TAS2R1: variants seen among roughly 807,000 people sequenced by gnomAD.
TAS2R1 encodes the protein taste receptor type 2 member 1.
For missense variants in TAS2R1, 370 were observed against 353.4 expected (o/e 1.05, Z -0.38); for synonymous variants, 141 against 134.2 (o/e 1.05, Z -0.35).
At chr5:9,747,718 A>C in the TAS2R1 span, among the ~76,000 whole-genome samples, 1 of 152,142 alleles carries the variant, frequency 6.6e-6, no homozygotes, top group East Asian at 1.9e-4. Flanking sequence ...ATAACAGAGC[A>C]CCAGGGGAGA....
At chr5:9,676,145 T>C (rs1021627728) in intron 1 of TAS2R1, among the ~76,000 whole-genome samples, 2 of 152,328 alleles carry the variant, frequency 1.3e-5, no homozygotes, top group Admixed American at 6.5e-5. Flanking sequence ...ATGTGCCATA[T>C]CACATTAATT....
At chr5:9,797,888 A>G in the TAS2R1 span, among the ~76,000 whole-genome samples, 1 of 152,262 alleles carries the variant, frequency 6.6e-6, no homozygotes, top group South Asian at 2.1e-4. Context: ...AGCACCCTAC[A>G]TAAGTCATGT....
At chr5:9,746,483 A>G in the TAS2R1 span, among the ~76,000 whole-genome samples, 1 of 152,204 alleles carries the variant, frequency 6.6e-6, no homozygotes, top group Non-Finnish European at 1.5e-5. Context: ...TTATTGAAGG[A>G]CTATTTATAA....
intron 2 of TAS2R1, chr5:9,642,011 C>T (rs895354542): frequency 2.6e-5 from 4 of 152,192 alleles, no homozygotes; most frequent in Middle Eastern, 3.2e-3. Flanking sequence ...TTGCACTCAT[C>T]TTAATGAGCA....
At chr5:9,761,105 G>A in the TAS2R1 span, 33 of 152,156 alleles carry the variant, frequency 2.2e-4, no homozygotes, top group East Asian at 3.9e-4. Context: ...TAGGATATAA[G>A]GTTAATACAC....
intron 1 of TAS2R1, among the ~76,000 whole-genome samples, chr5:9,675,043 G>A (rs1399708849): frequency 4.6e-4 from 69 of 150,584 alleles, no homozygotes; most frequent in Non-Finnish European, 1.5e-5. Context: ...ATATACATAT[G>A]AACAATTGAA....
chr5:9,822,303 T>C, the TAS2R1 span, among the ~76,000 whole-genome samples: 3 of 151,822 alleles, frequency 2.0e-5, no homozygotes, highest in Admixed American at 2.0e-4. Context: ...TCTCAGAAAA[T>C]TTTGTTCTTT....
At chr5:9,717,152 C>A (rs1734829735), upstream of TAS2R1, among the ~76,000 whole-genome samples, 1 of 152,278 alleles carries the variant, frequency 6.6e-6, no homozygotes, top group South Asian at 2.1e-4. Context: ...ATGAAATAGA[C>A]AATGCAAAAC....
At chr5:9,637,372 T>C (rs1739984687) in intron 2 of TAS2R1, among the ~76,000 whole-genome samples, 1 of 152,200 alleles carries the variant, frequency 6.6e-6, no homozygotes, top group African/African-American at 2.4e-5. Context: ...CTTTCCTTTG[T>C]CTTGACTTTA....
Position 9,699,516 on chromosome 5 carries a change from T to A in TAS2R1, c.-242+12656A>T, listed in dbSNP as rs138602426. 3.4e-3 allele frequency among the ~76,000 whole-genome samples: 516 copies of A among 152,310 alleles called. 1 individual carries two copies. Among genetic ancestry groups the A allele is most frequent in the African/African-American group, 0.012 (488 of 41,560 alleles). ...CAGAGATTCACATCAAAAGCCAAAG[T>A]CAGATTCTGTCACCAAAACTCATGG... On this transcript the variant is annotated intron_variant, in intron 1 of 2. Transcript: ENST00000506620.
Position 9,675,744 on chromosome 5 carries a change from G to C in TAS2R1, c.-241-16163C>G, listed in dbSNP as rs527397816. Among the ~76,000 whole-genome samples, 10 of 151,764 alleles carry C rather than the reference G, an allele frequency of 6.6e-5. No homozygotes were observed. In the South Asian group the frequency reaches 2.1e-3, roughly 32 times the overall value. ...TTATTATTTCTAACAGGTTTTTCTT[G>C]TGTGTGTGTGTACAGACTCTGAGAT... On this transcript the variant is annotated intron_variant, in intron 1 of 2. Coordinates refer to the TAS2R1 transcript ENST00000506620.
chr5:9,842,870 C>G, the TAS2R1 span, among the ~76,000 whole-genome samples: 2 of 152,184 alleles, frequency 1.3e-5, no homozygotes, highest in South Asian at 4.2e-4. Context: ...CTTTTGATAG[C>G]TTTCTACTCA....
At chr5:9,899,365 G>A in the TAS2R1 span, among the ~76,000 whole-genome samples, 61 of 152,228 alleles carry the variant, frequency 4.0e-4, no homozygotes, top group African/African-American at 1.4e-3. Context: ...GGCCGAGTGT[G>A]GTAGCTCATA....
At chr5:9,743,748 C>A in the TAS2R1 span, among the ~76,000 whole-genome samples, 1 of 152,094 alleles carries the variant, frequency 6.6e-6, no homozygotes, top group African/African-American at 2.4e-5. Flanking sequence ...GATTTCTCAC[C>A]CAGACTAAGT....
the TAS2R1 span, among the ~76,000 whole-genome samples, chr5:9,818,721 G>A: frequency 6.6e-6 from 1 of 152,222 alleles, no homozygotes; most frequent in Non-Finnish European, 1.5e-5. Context: ...TCCTCAGGGT[G>A]AGACTCAGTC....
chr5:9,762,402 A>C, the TAS2R1 span, among the ~76,000 whole-genome samples: 1 of 152,248 alleles, frequency 6.6e-6, no homozygotes, highest in African/African-American at 2.4e-5. Context: ...AACGTGGTTC[A>C]TATCACCAAG....
intron 2 of TAS2R1, among the ~76,000 whole-genome samples, chr5:9,649,889 T>C (rs147534609): frequency 1.8e-3 from 268 of 152,316 alleles, no homozygotes; most frequent in African/African-American, 6.2e-3. Context: ...AGGCATTTAT[T>C]ACTTTTCCAA....
chr5:9,716,498 G>A (rs1453438404), upstream of TAS2R1, among the ~76,000 whole-genome samples: 21 of 151,770 alleles, frequency 1.4e-4, no homozygotes, highest in African/African-American at 2.9e-4. Context: ...GACAACAATC[G>A]ATTTCAGCCA....
chr5:9,804,611 A>G, the TAS2R1 span, among the ~76,000 whole-genome samples: 8 of 152,188 alleles, frequency 5.3e-5, no homozygotes, highest in African/African-American at 7.2e-5. Context: ...CCATGCAAAT[A>G]CATGGAAATT....
Sources: gnomAD v4.1 joint callset for allele counts (sites outside exome capture counted in the v4.1 genomes callset) on GRCh38, gnomAD v4.1.1 for gene constraint, MANE v1.5 for transcripts, NCBI Gene and HGNC (gene_info 2026-07-23, HGNC 2026-07-21) for gene names.